The following SFXN5 variants were observed in gnomAD, a reference collection of about 807,000 sequenced individuals.
SFXN5 encodes the protein sideroflexin-5.
SFXN5 carries 43 observed loss-of-function variants against 50.2 expected under a neutral mutation model. The observed-to-expected ratio is 0.86, with a 90% confidence interval of 0.67 to 1.11. The LOEUF is 1.11. Among genes scored for constraint, SFXN5 ranks in the 50% least tolerant of loss-of-function variants. The probability of loss-of-function intolerance (pLI) is 0.00; values close to 1 mark genes in which losing one functional copy is unlikely to be tolerated. For missense variants in SFXN5, 463 were observed against 454.1 expected, an observed-to-expected ratio of 1.02 and a Z score of -0.18; for synonymous variants, 203 against 185.8, an observed-to-expected ratio of 1.09 and a Z score of -0.75.
intron 2 of SFXN5, among the ~76,000 whole-genome samples, chr2:73,047,275 T>TATATATATATACAC (rs1300799277): frequency 5.8e-5 from 3 of 51,744 alleles, no homozygotes; most frequent in African/African-American, 2.4e-4. Flanking sequence ...TATATATATA[T>TATATATATATACAC]ACACACATAT....
At chr2:72,947,672 C>T (rs1178338976) in intron 13 of SFXN5, among the ~76,000 whole-genome samples, 2 of 152,172 alleles carry the variant, frequency 1.3e-5, no homozygotes, top group Non-Finnish European at 2.9e-5. Flanking sequence ...AGCTGGTGGG[C>T]ACAGTGGGAG....
At chr2:72,971,469 A>C in intron 11 of SFXN5, 101 bp downstream of exon 11, 1 of 771,134 alleles carries the variant, frequency 1.3e-6, no homozygotes, top group Non-Finnish European at 2.1e-6. Context: ...TGCCAAAATA[A>C]GGGTACCCTG....
intron 1 of SFXN5, among the ~76,000 whole-genome samples, chr2:73,062,768 G>A (rs1221107904): frequency 6.6e-6 from 1 of 152,174 alleles, no homozygotes; most frequent in Non-Finnish European, 1.5e-5. Context: ...GAAGTATACT[G>A]GGGACACACA....
At position 72,966,693 on chromosome 2, in the gene SFXN5, A is replaced by G. The variant is rs1429428212; in HGVS notation, c.827+1755T>C. 3.9e-5 allele frequency among the ~76,000 whole-genome samples: 6 copies of G among 152,230 alleles called. No homozygotes were observed. In the South Asian group the frequency reaches 1.2e-3, roughly 32 times the overall value. On this transcript the variant is annotated intron_variant, in intron 12 of 13. Coordinates refer to ENST00000272433, the MANE Select transcript of SFXN5 (RefSeq NM_144579.3). ...GGCTGGACACCTCAGTGTCTATACC[A>G]CAGGCCTGCACCCTGCCCAGAAAGC...
Position 72,968,524 on chromosome 2 carries a change from C to G in SFXN5, c.751G>C (p.Glu251Gln), listed in dbSNP as rs761006470. 1.2e-6 allele frequency: 2 copies of G among 1,613,286 alleles called. No individual in the cohort carries two copies. The highest frequency in any genetic ancestry group is 1.7e-5 in the Admixed American group (1 of 59,994). ...AGGACCACTCGCGTCAGCGCCGTCT[C>G]CAGCAGGGCCTGAGGGGCAGGCAGA... Reference protein sequence around the residue: ...SKIAARHALLETALTRVVLPM... With the variant: ...SKIAARHALLQTALTRVVLPM... Residue 251 changes from glutamate (E) to glutamine (Q), a missense_variant, in exon 12 of 14, where the codon GAG becomes CAG. Transcript: ENST00000272433.
intron 2 of SFXN5, among the ~76,000 whole-genome samples, chr2:73,044,183 G>A (rs983231857): frequency 1.3e-4 from 20 of 152,168 alleles, no homozygotes; most frequent in Admixed American, 7.9e-4. Context: ...TCATCAAAGG[G>A]AGCCCTCCTA....
At chr2:73,061,307 CAAA>C (rs58591052) in intron 1 of SFXN5, among the ~76,000 whole-genome samples, 9 of 71,738 alleles carry the variant, frequency 1.3e-4, no homozygotes, top group Admixed American at 4.5e-4. Context: ...GACTCTGTCT[CAAA>C]AAAAAAAAAA....
intron 6 of SFXN5, among the ~76,000 whole-genome samples, chr2:73,005,289 C>T (rs2105727450): frequency 6.6e-6 from 1 of 152,346 alleles, no homozygotes; most frequent in Non-Finnish European, 1.5e-5. Context: ...CTCCAGCCCC[C>T]TGGCAGCTGT....
At chr2:72,946,748 A>C (rs1442659953) in intron 13 of SFXN5, among the ~76,000 whole-genome samples, 2 of 151,578 alleles carry the variant, frequency 1.3e-5, no homozygotes, top group Non-Finnish European at 2.9e-5. Context: ...GTCCCTCCCC[A>C]CAAGGTCTCA....
chr2:72,984,098 A>C (rs780542930), intron 10 of SFXN5, among the ~76,000 whole-genome samples: 1 of 152,268 alleles, frequency 6.6e-6, no homozygotes, highest in Non-Finnish European at 1.5e-5. Context: ...TTAAGGTCTA[A>C]GCAAATTAAT....
intron 6 of SFXN5, chr2:73,020,038 C>T: frequency 1.8e-6 from 1 of 568,722 alleles, no homozygotes; most frequent in East Asian, 3.1e-5. Context: ...TTTAAGTCAT[C>T]AGGCTTTTTA....
chr2:73,028,974 G>A (rs779421703), intron 3 of SFXN5, among the ~76,000 whole-genome samples: 29 of 152,300 alleles, frequency 1.9e-4, no homozygotes, highest in Admixed American at 5.2e-4. Context: ...AACATGAGTC[G>A]TTGTAAGGGA....
intron 2 of SFXN5, chr2:73,048,951 T>C (rs1680870803): frequency 6.6e-6 from 1 of 152,180 alleles, no homozygotes; most frequent in Non-Finnish European, 1.5e-5. Context: ...CCCAAAAACG[T>C]TTTACTCTTT....
chr2:72,996,905 TAAG>T (rs1673319537), intron 9 of SFXN5: 1 of 152,254 alleles, frequency 6.6e-6, no homozygotes, highest in African/African-American at 2.4e-5. Flanking sequence ...GCTGCTAAGC[TAAG>T]CAGACCATCA....
In SFXN5 at chr2:72,992,524, G is replaced by T. The variant is rs181310868; in HGVS notation, c.535-4176C>A. 1.3e-5 allele frequency among the ~76,000 whole-genome samples: 2 copies of T among 152,238 alleles called. No individual in the cohort carries two copies. Among genetic ancestry groups the T allele is most frequent in the Admixed American group, 1.3e-4 (2 of 15,300 alleles). ...TCGCACCCCAAATGAAGGTTGTCTC[G>T]TTCTTCCTCACCCACACCCCAGCCT... On this transcript the variant is annotated intron_variant, in intron 9 of 13. Coordinates refer to ENST00000272433, the MANE Select transcript of SFXN5 (RefSeq NM_144579.3). This position sits in a 1 kb window ranked among gnomAD's most constrained non-coding sequence, Gnocchi z 4.5.
intron 13 of SFXN5, among the ~76,000 whole-genome samples, chr2:72,951,425 G>A (rs1302653250): frequency 6.6e-6 from 1 of 152,190 alleles, no homozygotes; most frequent in African/African-American, 2.4e-5. Flanking sequence ...TGTGGGAAGG[G>A]TTAACCTTGA....
rs764547128 is a variant in SFXN5, at chr2:73,045,828, A to ACCC, written c.172-4900_172-4898dup. ...CATGTTCCCACCCAGCAGTCCTGGAACCCCCAGGGTTCTACCTGTCTGTGC... is the reference window on the plus strand; with the variant it reads ...CATGTTCCCACCCAGCAGTCCTGGAACCCCCCCCAGGGTTCTACCTGTCTGTGC... On this transcript the variant is annotated intron_variant, in intron 2 of 13. Transcript: ENST00000272433. Among the ~76,000 whole-genome samples, 84 of 151,856 alleles carry ACCC rather than the reference A, an allele frequency of 5.5e-4. No homozygotes were observed. The East Asian group carries it at 9.7e-3, about 18-fold the overall frequency.
intron 2 of SFXN5, among the ~76,000 whole-genome samples, chr2:73,044,294 C>CTGAA (rs1680016650): frequency 6.6e-6 from 1 of 152,218 alleles, no homozygotes; most frequent in Admixed American, 6.5e-5. Context: ...GGGCCCAGGA[C>CTGAA]TGAAGGAAGC....
At chr2:72,964,312 C>G (rs1573970697) in intron 12 of SFXN5, among the ~76,000 whole-genome samples, 1 of 152,262 alleles carries the variant, frequency 6.6e-6, no homozygotes, top group African/African-American at 2.4e-5. Flanking sequence ...GTGGGGGCTG[C>G]CTTCCTTGTC....
Sources: allele counts gnomAD v4.1 joint callset (sites outside exome capture counted in the v4.1 genomes callset), GRCh38; gene constraint gnomAD v4.1.1; non-coding constraint Gnocchi (gnomAD v3.1); transcripts MANE v1.5; gene names NCBI Gene and HGNC (gene_info 2026-07-23, HGNC 2026-07-21).